Variants in MYLK observed in about 807,000 individuals in gnomAD.
MYLK encodes myosin light chain kinase, also known as myosin light chain kinase, smooth muscle.
In MYLK, 106 loss-of-function variants were observed where a neutral mutation model predicts 203.4. That is an observed-to-expected ratio of 0.52 (90% CI 0.45 to 0.61). The LOEUF is 0.61. Among genes scored for constraint, MYLK ranks in the 20% least tolerant of loss-of-function variants. MYLK has a pLI of 0.00. For synonymous variants in MYLK, 867 were observed against 959.5 expected, an observed-to-expected ratio of 0.90 and a Z score of 1.78; for missense variants, 2,072 against 2,442.3, an observed-to-expected ratio of 0.85 and a Z score of 3.20.
rs545536024 is a variant in MYLK at position 123,823,297 on chromosome 3, C to T, written c.-4+8251G>A. ...TCTCCACACACATTTCTTATCCCACCCTCTCCACTGACCTCCAGAATTTGA... is the reference window on the plus strand; with the variant it reads ...TCTCCACACACATTTCTTATCCCACTCTCTCCACTGACCTCCAGAATTTGA... On this transcript the variant is annotated intron_variant, in intron 3 of 33. Coordinates refer to ENST00000360304, the MANE Select transcript of MYLK (RefSeq NM_053025.4). 5.3e-5 allele frequency among the ~76,000 whole-genome samples: 8 copies of T among 152,270 alleles called. No homozygotes were observed. The South Asian group carries it at 1.5e-3, about 28-fold the overall frequency.
intron 20 of MYLK, chr3:123,681,374 A>C (rs1420061407): frequency 6.6e-6 from 1 of 152,236 alleles, no homozygotes; most frequent in Non-Finnish European, 1.5e-5. Flanking sequence ...TTCCACGAGC[A>C]AGGCGCAGCA....
chr3:123,758,109 G>T (rs2108909662), intron 4 of MYLK, among the ~76,000 whole-genome samples: 1 of 152,080 alleles, frequency 6.6e-6, no homozygotes, highest in Non-Finnish European at 1.5e-5. Context: ...CACAGAAAAT[G>T]TCTATAAAAC....
chr3:123,833,521 C>T (rs1340019023), intron 2 of MYLK, among the ~76,000 whole-genome samples: 3 of 44,320 alleles, frequency 6.8e-5, no homozygotes, highest in African/African-American at 3.6e-4. Context: ...CAGTTCCCTA[C>T]CCTGCCCCAT....
intron 18 of MYLK, among the ~76,000 whole-genome samples, chr3:123,699,401 G>A (rs564787960): frequency 2.6e-5 from 4 of 152,270 alleles, no homozygotes; most frequent in African/African-American, 4.8e-5. Flanking sequence ...ATTAGGAAGC[G>A]AGTAGCTCTG....
At chr3:123,856,735 T>C (rs1174470250) in intron 2 of MYLK, among the ~76,000 whole-genome samples, 1 of 152,122 alleles carries the variant, frequency 6.6e-6, no homozygotes, top group East Asian at 1.9e-4. Context: ...ATTGTTTCCA[T>C]ATTGCAAACT....
chr3:123,733,459 A>G (rs2062558781), intron 10 of MYLK, among the ~76,000 whole-genome samples: 2 of 152,304 alleles, frequency 1.3e-5, no homozygotes, highest in South Asian at 4.1e-4. Flanking sequence ...CCAGTACTCT[A>G]TCCAAGAGCA....
rs534746940 is a variant in MYLK, at chr3:123,824,436, C to G, written c.-4+7112G>C. 3.3e-5 allele frequency among the ~76,000 whole-genome samples: 5 copies of G among 152,288 alleles called. No homozygotes were observed. In the East Asian group the frequency reaches 7.7e-4, roughly 23 times the overall value. On this transcript the variant is annotated intron_variant, in intron 3 of 33. Coordinates refer to ENST00000360304, the MANE Select transcript of MYLK (RefSeq NM_053025.4). Reference sequence around the variant, plus strand: ...TGCTGGATGTTACTGTCTTCCTGTTCCACTAGAATGAAAATTACGTGAGAG... The same window carrying G: ...TGCTGGATGTTACTGTCTTCCTGTTGCACTAGAATGAAAATTACGTGAGAG...
Position 123,752,519 on chromosome 3 carries a change from G to A in MYLK, c.185C>T (p.Pro62Leu). The change falls in exon 5 of 34, where the codon CCC becomes CTC. Residue 62 changes from proline (P) to leucine (L), a missense_variant. By Grantham distance (98) the Pro-to-Leu change is moderately conservative. Transcript: ENST00000360304. ...FEGRVRGYPEPQVTWHRNGQP... is the reference protein window; with the variant it reads ...FEGRVRGYPELQVTWHRNGQP... The stretch of plus-strand genomic sequence containing the variant: ...CCCGTTTCTGTGCCATGTCACCTGG[G>A]GCTCTGGGTAACCCCGGACCTTCAA... 1 of 1,613,718 alleles carries A rather than the reference G, an allele frequency of 6.2e-7. No individual in the cohort carries two copies. The highest frequency in any genetic ancestry group is 8.5e-7 in the Non-Finnish European group (1 of 1,179,988).
At chr3:123,657,911 C>T (rs1248934180) in intron 23 of MYLK, among the ~76,000 whole-genome samples, 1 of 152,172 alleles carries the variant, frequency 6.6e-6, no homozygotes, top group Non-Finnish European at 1.5e-5. Context: ...AATGCCTGCC[C>T]CACCAAGGGG....
chr3:123,687,359 C>A lies in MYLK; in HGVS notation c.3566-5049G>T, dbSNP rs371830358. ...CCCAGGGGCCAAGATAACAGTGGAT[C>A]ACAGTGGTTAGGCACCAAGGCTTGG... is the stretch of plus-strand genomic sequence containing the variant. On this transcript the variant is annotated intron_variant, in intron 19 of 33. Transcript: ENST00000360304. Among the ~76,000 whole-genome samples, 8 of 152,284 alleles carry A rather than the reference C, an allele frequency of 5.3e-5. No individual in the cohort carries two copies. The East Asian group carries it at 1.3e-3, about 26-fold the overall frequency.
At chr3:123,828,109 A>C (rs138715440) in intron 3 of MYLK, among the ~76,000 whole-genome samples, 232 of 152,196 alleles carry the variant, frequency 1.5e-3, no homozygotes, top group African/African-American at 5.2e-3. Flanking sequence ...AAAAAATCCT[A>C]AACTTTGTAT....
At chr3:123,618,530 C>T (rs1016678683) in intron 33 of MYLK, 109 bp downstream of exon 33, 17 of 1,496,034 alleles carry the variant, frequency 1.1e-5, no homozygotes, top group Non-Finnish European at 1.5e-5. Context: ...GGCAGTTCCT[C>T]ATTGTCCCCA....
intron 3 of MYLK, among the ~76,000 whole-genome samples, chr3:123,825,325 A>AGCAT (rs1164530301): frequency 2.0e-5 from 3 of 152,198 alleles, no homozygotes; most frequent in Non-Finnish European, 4.4e-5. Context: ...TGTGGTGTCC[A>AGCAT]GGAGGGCAGC....
intron 3 of MYLK, among the ~76,000 whole-genome samples, chr3:123,798,857 A>T (rs1370584021): frequency 6.6e-6 from 1 of 152,184 alleles, no homozygotes; most frequent in African/African-American, 2.4e-5. Flanking sequence ...ATTAATGGTT[A>T]CTGACATATG....
At chr3:123,789,462 G>A (rs1029246385) in intron 4 of MYLK, among the ~76,000 whole-genome samples, 5 of 152,082 alleles carry the variant, frequency 3.3e-5, no homozygotes, top group African/African-American at 9.7e-5. Flanking sequence ...GTTTGGCTCC[G>A]GTGGGCGTAT....
In MYLK at chr3:123,845,203, G is replaced by A. The variant is rs149879054; in HGVS notation, c.-126-13533C>T. Among the ~76,000 whole-genome samples the A allele has an allele frequency of 9.5e-4, 144 of 152,206 alleles. 1 individual carries two copies. In the Middle Eastern group the frequency reaches 0.01, roughly 11 times the overall value. On this transcript the variant is annotated intron_variant, in intron 2 of 33. Transcript: ENST00000360304. ...CTCCCTGTGGAAAGGGGCTGCACAGGGCACTCTGTTAGGGTCCATTCCAAC... is the reference window on the plus strand; with the variant it reads ...CTCCCTGTGGAAAGGGGCTGCACAGAGCACTCTGTTAGGGTCCATTCCAAC...
At position 123,774,846 on chromosome 3, in the gene MYLK, T is replaced by C. The variant is rs116213625; in HGVS notation, c.165+18831A>G. On this transcript the variant is annotated intron_variant, in intron 4 of 33. Transcript: ENST00000360304. Reference sequence around the variant, plus strand: ...TTTTATTGTATTAATATACCGACCATAGAGCATAGGGTCTTGTTCACTACT... The same window carrying C: ...TTTTATTGTATTAATATACCGACCACAGAGCATAGGGTCTTGTTCACTACT... Among the ~76,000 whole-genome samples the C allele has an allele frequency of 3.8e-3, 583 of 152,260 alleles. 8 individuals are homozygous for C. The highest frequency in any genetic ancestry group is 0.014 in the African/African-American group (563 of 41,544).
intron 19 of MYLK, 25 bp downstream of exon 19, chr3:123,692,710 G>A: frequency 6.4e-7 from 1 of 1,563,098 alleles, no homozygotes; most frequent in South Asian, 1.1e-5. Context: ...TGTATGGGTG[G>A]CGGCGATGGG....
At chr3:123,792,824 T>G (rs2064832960) in intron 4 of MYLK, among the ~76,000 whole-genome samples, 1 of 152,126 alleles carries the variant, frequency 6.6e-6, no homozygotes, top group South Asian at 2.1e-4. Flanking sequence ...TGGTAAGAGA[T>G]ATGAAAGGAC....
Sources: allele counts gnomAD v4.1 joint callset (sites outside exome capture counted in the v4.1 genomes callset), GRCh38; gene constraint gnomAD v4.1.1; transcripts MANE v1.5; gene names NCBI Gene and HGNC (gene_info 2026-07-23, HGNC 2026-07-21).